Variants in BCL2A1 observed in about 807,000 individuals in gnomAD.
BCL2A1 encodes the protein BCL2 related protein A1, also known as bcl-2-related protein A1.
A neutral mutation model predicts 14.4 loss-of-function variants in BCL2A1; 10 were observed. The observed-to-expected ratio is 0.69, with a 90% CI of 0.43 to 1.18. BCL2A1 has a LOEUF of 1.18. Ranked by LOEUF, BCL2A1 falls within the 50% of genes most tolerant of loss-of-function variation. The pLI, the probability that BCL2A1 is intolerant of heterozygous loss-of-function variation, is 0.00. For synonymous variants in BCL2A1, 71 were observed against 76.5 expected, an observed-to-expected ratio of 0.93 and a Z score of 0.38; for missense variants, 158 against 205.0, an observed-to-expected ratio of 0.77 and a Z score of 1.40.
At chr15:79,967,632 C>G in intron 1 of BCL2A1, 3 of 1,597,332 alleles carry the variant, frequency 1.9e-6, no homozygotes, top group Non-Finnish European at 2.6e-6. Context: ...CTTCTCTACT[C>G]TTACCTCTTC....
intron 1 of BCL2A1, among the ~76,000 whole-genome samples, chr15:79,965,123 T>G (rs2035527629): frequency 1.3e-5 from 2 of 152,024 alleles, no homozygotes; most frequent in East Asian, 3.9e-4. Context: ...CTAATTCAAG[T>G]TTTTATTTTA....
At chr15:79,968,011 C>T (rs1470606784) in intron 1 of BCL2A1, among the ~76,000 whole-genome samples, 3 of 151,792 alleles carry the variant, frequency 2.0e-5, no homozygotes, top group East Asian at 3.9e-4. Context: ...TATCTACACT[C>T]GGGAGAGGTT....
chr15:79,964,443 T>G (rs916371529), intron 1 of BCL2A1, among the ~76,000 whole-genome samples: 1 of 152,174 alleles, frequency 6.6e-6, no homozygotes, highest in African/African-American at 2.4e-5. Context: ...CACTCCAGCC[T>G]GGGTGACAGC....
At chr15:79,966,268 C>T (rs1332764720) in intron 1 of BCL2A1, among the ~76,000 whole-genome samples, 1 of 152,002 alleles carries the variant, frequency 6.6e-6, no homozygotes, top group Non-Finnish European at 1.5e-5. Context: ...TTATTATATA[C>T]ATTATATAAG....
At position 79,966,786 on chromosome 15, in the gene BCL2A1, C is replaced by A. The variant is rs563478189; in HGVS notation, c.420+3914G>T. ...AGAGGACAAAAAGAGAGATGAGAAG[C>A]CACAAACAAAAGAAGGCAGGAAGGC... On this transcript the variant is annotated intron_variant, in intron 1 of 1. Transcript: ENST00000267953. Among the ~76,000 whole-genome samples the A allele has an allele frequency of 3.5e-3, 508 of 145,688 alleles. 4 individuals carry two copies. The highest frequency in any genetic ancestry group is 0.01 in the Middle Eastern group (3 of 288).
chr15:79,971,193 C>T lies in BCL2A1; in HGVS notation c.-74G>A. On this transcript the variant is annotated 5_prime_UTR_variant, in exon 1 of 2. Coordinates refer to ENST00000267953, the MANE Select transcript of BCL2A1 (RefSeq NM_004049.4). ...GTTGAGGCAATGTGCTGAGAATGCT[C>T]ACTGAGCTTGACTGAGTTATGACAC... 1 of 1,472,084 alleles carries T rather than the reference C, an allele frequency of 6.8e-7. No individual in the cohort carries two copies. The highest frequency in any genetic ancestry group is 9.3e-7 in the Non-Finnish European group (1 of 1,079,252). 91.2% of individuals were successfully genotyped at this position (1,472,084 alleles called of 1,614,324 possible).
chr15:79,967,360 G>A (rs1273619196), intron 1 of BCL2A1, among the ~76,000 whole-genome samples: 1 of 151,802 alleles, frequency 6.6e-6, no homozygotes, highest in Non-Finnish European at 1.5e-5. Context: ...GGGATTATAG[G>A]CATCCGCCAC....
intron 1 of BCL2A1, among the ~76,000 whole-genome samples, chr15:79,964,694 A>T (rs2035521832): frequency 6.6e-6 from 1 of 152,256 alleles, no homozygotes; most frequent in Non-Finnish European, 1.5e-5. Context: ...CAGATAAGCA[A>T]GTAAATATGC....
intron 1 of BCL2A1, among the ~76,000 whole-genome samples, chr15:79,966,259 T>C (rs1037919325): frequency 6.6e-6 from 1 of 152,172 alleles, no homozygotes; most frequent in African/African-American, 2.4e-5. Context: ...CATGTCATAT[T>C]ATTATATACA....
intron 1 of BCL2A1, among the ~76,000 whole-genome samples, chr15:79,968,679 C>A (rs1336768853): frequency 6.6e-6 from 1 of 152,210 alleles, no homozygotes. Flanking sequence ...GCCTGTGATC[C>A]CATCACTTTG....
At chr15:79,963,330 A>G (rs2035508779) in intron 1 of BCL2A1, among the ~76,000 whole-genome samples, 1 of 152,164 alleles carries the variant, frequency 6.6e-6, no homozygotes, top group Admixed American at 6.5e-5. Context: ...TAAAAGAACA[A>G]TAGACTAGGA....
Position 79,971,007 on chromosome 15 carries a change from T to G in BCL2A1, c.113A>C (p.Gln38Pro). Residue 38 changes from glutamine (Q) to proline (P), a missense_variant, in exon 1 of 2, where the codon CAA (glutamine) becomes CCA (proline). Gln to Pro is a moderately conservative substitution (Grantham distance 76). Coordinates refer to ENST00000267953, the MANE Select transcript of BCL2A1 (RefSeq NM_004049.4). ...TTTTTGGACTGAGAACGCAACATTT[T>G]GTAGCACTCTGGACGTTTTGCTTGG... The part of the protein sequence containing the change: ...SGPSKTSRVL[Q>P]NVAFSVQKEV... 3 of 1,614,248 alleles carry G rather than the reference T, an allele frequency of 1.9e-6. No homozygotes were observed. The South Asian group carries it at 3.3e-5, about 18-fold the overall frequency.
chr15:79,967,792 C>A, intron 1 of BCL2A1: 1 of 758,018 alleles, frequency 1.3e-6, no homozygotes. Context: ...TTTGCACTGA[C>A]TCAAAAAAGC....
At chr15:79,970,069 T>G (rs567714302) in intron 1 of BCL2A1, among the ~76,000 whole-genome samples, 12 of 152,140 alleles carry the variant, frequency 7.9e-5, no homozygotes, top group Non-Finnish European at 1.5e-4. Flanking sequence ...TGAATAAAGG[T>G]TCTTGCTGGT....
At chr15:79,964,126 T>C (rs1410305620) in intron 1 of BCL2A1, among the ~76,000 whole-genome samples, 2 of 152,162 alleles carry the variant, frequency 1.3e-5, no homozygotes, top group African/African-American at 2.4e-5. Context: ...TAAAAATAAA[T>C]ATACAAACAA....
intron 1 of BCL2A1, chr15:79,967,677 G>T (rs1225101479): frequency 1.3e-6 from 2 of 1,567,812 alleles, no homozygotes; most frequent in Admixed American, 3.3e-5. Flanking sequence ...ATAGGTGTGT[G>T]ATTGTGCCAT....
At chr15:79,965,672 G>T (rs2035535052) in intron 1 of BCL2A1, among the ~76,000 whole-genome samples, 1 of 152,160 alleles carries the variant, frequency 6.6e-6, no homozygotes, top group South Asian at 2.1e-4. Context: ...TAGCACTTAA[G>T]TGTCATACAT....
At chr15:79,969,834 A>G (rs927582417) in intron 1 of BCL2A1, among the ~76,000 whole-genome samples, 2 of 152,218 alleles carry the variant, frequency 1.3e-5, no homozygotes, top group African/African-American at 2.4e-5. Flanking sequence ...AAAATAATTG[A>G]TAACAGTGGT....
Position 79,961,034 on chromosome 15 carries a change from G to A in BCL2A1, c.*33C>T. 6.2e-7 allele frequency: 1 copy of A among 1,611,088 alleles called. No individual in the cohort carries two copies. The highest frequency in any genetic ancestry group is 8.5e-7 in the Non-Finnish European group (1 of 1,177,728). On this transcript the variant is annotated 3_prime_UTR_variant, in exon 2 of 2. Transcript: ENST00000267953. ...GTTTCCATATCAGTCAGAAAAATTAGGCCGGTTTCACAATATGGAGTGTCC... is the reference window on the plus strand; with the variant it reads ...GTTTCCATATCAGTCAGAAAAATTAAGCCGGTTTCACAATATGGAGTGTCC...
Sources: gnomAD v4.1 joint callset for allele counts (sites outside exome capture counted in the v4.1 genomes callset) on GRCh38, gnomAD v4.1.1 for gene constraint, MANE v1.5 for transcripts, NCBI Gene and HGNC (gene_info 2026-07-23, HGNC 2026-07-21) for gene names.